The following MAST2 variants were observed in gnomAD, a reference collection of about 807,000 sequenced individuals.
MAST2 encodes microtubule-associated serine/threonine-protein kinase 2.
A neutral mutation model predicts 147.4 loss-of-function variants in MAST2; 70 were observed. That is an observed-to-expected ratio of 0.47 (90% CI 0.39 to 0.58). The LOEUF is 0.58. Among genes scored for constraint, MAST2 ranks in the 20% least tolerant of loss-of-function variants. The probability of loss-of-function intolerance (pLI) is 0.00; values close to 1 mark genes in which losing one functional copy is unlikely to be tolerated. For synonymous variants in MAST2, 869 were observed against 896.8 expected (o/e 0.97, Z 0.55); for missense variants, 2,080 against 2,302.3 (o/e 0.90, Z 1.98).
intron 4 of MAST2, among the ~76,000 whole-genome samples, chr1:45,945,878 CTA>C (rs1409378327): frequency 2.0e-5 from 3 of 152,138 alleles, no homozygotes; most frequent in Non-Finnish European, 4.4e-5. Context: ...TTCCCAGACA[CTA>C]TGTTATCAGG....
intron 3 of MAST2, among the ~76,000 whole-genome samples, chr1:45,834,742 A>G (rs1186708824): frequency 1.3e-5 from 2 of 152,146 alleles, no homozygotes; most frequent in African/African-American, 2.4e-5. Flanking sequence ...ACTGGAGCCT[A>G]TGTTCTTCTC....
At chr1:45,975,977 CTTTTTTT>C (rs11311601) in intron 5 of MAST2, among the ~76,000 whole-genome samples, 1 of 143,840 alleles carries the variant, frequency 7.0e-6, no homozygotes, top group Non-Finnish European at 1.5e-5. Flanking sequence ...AAACTGAATA[CTTTTTTT>C]TTTTTTTTGA....
chr1:45,813,129 A>C (rs1323849155), intron 1 of MAST2, among the ~76,000 whole-genome samples: 1 of 152,186 alleles, frequency 6.6e-6, no homozygotes, highest in Non-Finnish European at 1.5e-5. Flanking sequence ...TATAATATAT[A>C]ATACAATGTA....
intron 4 of MAST2, among the ~76,000 whole-genome samples, chr1:45,890,495 T>G (rs1647570262): frequency 6.6e-6 from 1 of 152,190 alleles, no homozygotes; most frequent in Non-Finnish European, 1.5e-5. Context: ...TAGATCTGTC[T>G]CTTCTTCTTT....
chr1:45,981,204 T>C (rs1644395280), intron 5 of MAST2, among the ~76,000 whole-genome samples: 1 of 152,108 alleles, frequency 6.6e-6, no homozygotes, highest in African/African-American at 2.4e-5. Flanking sequence ...CCTGAGTAGC[T>C]GGAATTACAG....
At chr1:45,944,008 G>A (rs374408250) in intron 4 of MAST2, among the ~76,000 whole-genome samples, 3 of 152,064 alleles carry the variant, frequency 2.0e-5, no homozygotes, top group East Asian at 1.9e-4. Flanking sequence ...AATAAACTTC[G>A]CTATACTCTG....
intron 3 of MAST2, among the ~76,000 whole-genome samples, chr1:45,863,240 A>G (rs910896345): frequency 2.0e-5 from 3 of 152,164 alleles, no homozygotes; most frequent in African/African-American, 7.2e-5. Flanking sequence ...CTGCTGATAC[A>G]TATGTTTTAG....
chr1:45,899,144 A>C (rs1570613551), intron 4 of MAST2, among the ~76,000 whole-genome samples: 1 of 152,310 alleles, frequency 6.6e-6, no homozygotes, highest in African/African-American at 2.4e-5. Context: ...TCAGAGGAGT[A>C]GTCTTCCAAA....
intron 15 of MAST2, chr1:46,024,344 G>A (rs1234352596): frequency 3.8e-6 from 1 of 264,990 alleles, no homozygotes; most frequent in South Asian, 5.0e-5. Flanking sequence ...TCAGAAGAAA[G>A]GAAAGCCATT....
intron 17 of MAST2, among the ~76,000 whole-genome samples, chr1:46,028,465 CTGTTT>C (rs1239177202): frequency 6.6e-6 from 1 of 152,106 alleles, no homozygotes; most frequent in Non-Finnish European, 1.5e-5. Context: ...CTGATAGGGT[CTGTTT>C]TGTTAGAGGC....
At chr1:45,930,948 C>T (rs964613735) in intron 4 of MAST2, among the ~76,000 whole-genome samples, 1 of 152,148 alleles carries the variant, frequency 6.6e-6, no homozygotes, top group African/African-American at 2.4e-5. Flanking sequence ...TTGTCCTAAC[C>T]CATACTGAAT....
At chr1:45,939,731 G>A (rs557537671) in intron 4 of MAST2, among the ~76,000 whole-genome samples, 15 of 152,190 alleles carry the variant, frequency 9.9e-5, no homozygotes, top group African/African-American at 2.9e-4. Context: ...TCCTAGAAAC[G>A]GAGTTTCACC....
intron 5 of MAST2, among the ~76,000 whole-genome samples, chr1:45,978,199 T>C (rs1293295037): frequency 1.3e-5 from 2 of 152,210 alleles, no homozygotes; most frequent in African/African-American, 4.8e-5. Flanking sequence ...AAAGATAATT[T>C]ACTCTCATTA....
intron 3 of MAST2, among the ~76,000 whole-genome samples, chr1:45,870,843 C>T (rs1160986720): frequency 1.3e-5 from 2 of 151,912 alleles, no homozygotes; most frequent in East Asian, 1.9e-4. Flanking sequence ...GTGGGAGGAT[C>T]GTTTGAGCCT....
intron 3 of MAST2, among the ~76,000 whole-genome samples, chr1:45,849,335 C>G (rs6680211): frequency 0.46 from 69,330 of 151,890 alleles, 16,044 homozygotes; most frequent in East Asian, 0.65. Flanking sequence ...TCAAACTGTA[C>G]TATAGGGATA....
At chr1:46,021,832 G>T in intron 11 of MAST2, 118 bp from the exon 12 acceptor site, 1 of 912,606 alleles carries the variant, frequency 1.1e-6, no homozygotes, top group Non-Finnish European at 1.7e-6. Flanking sequence ...AGGGGTGGGA[G>T]TGTCCTATCA....
chr1:45,885,041 T>C (rs531538146), intron 4 of MAST2, among the ~76,000 whole-genome samples: 1 of 152,258 alleles, frequency 6.6e-6, no homozygotes, highest in South Asian at 2.1e-4. Context: ...AAAACAAATA[T>C]TTGAATAAGT....
intron 3 of MAST2, among the ~76,000 whole-genome samples, chr1:45,880,443 C>G (rs1390534807): frequency 2.0e-5 from 3 of 152,090 alleles, no homozygotes; most frequent in Non-Finnish European, 2.9e-5. Flanking sequence ...CATGGTGGAA[C>G]TTTCTGGATT....
At chr1:45,846,120 A>T (rs1262696821) in intron 3 of MAST2, among the ~76,000 whole-genome samples, 1 of 151,740 alleles carries the variant, frequency 6.6e-6, no homozygotes, top group Non-Finnish European at 1.5e-5. Context: ...ATCATCACTG[A>T]TTTTTTTTTT....
Sources: allele counts gnomAD v4.1 joint callset (sites outside exome capture counted in the v4.1 genomes callset), GRCh38; gene constraint gnomAD v4.1.1; transcripts MANE v1.5; gene names NCBI Gene and HGNC (gene_info 2026-07-23, HGNC 2026-07-21).